Variants in MBTPS1 observed in about 807,000 individuals in gnomAD.
The protein encoded by MBTPS1 is membrane bound transcription factor peptidase, site 1.
A neutral mutation model predicts 127.8 loss-of-function variants in MBTPS1; 94 were observed. That is an observed-to-expected ratio of 0.74 (90% confidence interval 0.62 to 0.87). The LOEUF is 0.87. Among genes scored for constraint, MBTPS1 ranks in the 40% least tolerant of loss-of-function variants. The pLI is 0.00. For missense variants in MBTPS1, 1,636 were observed against 1,353.2 expected (o/e 1.21, Z -3.28); for synonymous variants, 632 against 509.4 (o/e 1.24, Z -3.24).
chr16:84,075,973 T>C (rs2085849690), intron 11 of MBTPS1, among the ~76,000 whole-genome samples: 2 of 152,244 alleles, frequency 1.3e-5, no homozygotes, highest in African/African-American at 2.4e-5. Context: ...TTGTAAACTT[T>C]GCTGGTAATT....
intron 9 of MBTPS1, chr16:84,086,081 A>G (rs1048514717): frequency 6.6e-6 from 1 of 152,258 alleles, no homozygotes; most frequent in East Asian, 1.9e-4. Context: ...CAGGAGCCCA[A>G]TTTGAAGGGA....
intron 8 of MBTPS1, among the ~76,000 whole-genome samples, chr16:84,087,784 G>A (rs1325988700): frequency 6.6e-6 from 1 of 152,168 alleles, no homozygotes; most frequent in African/African-American, 2.4e-5. Context: ...TACTTGCCTT[G>A]AACCTCACAA....
chr16:84,065,294 T>G (rs1164931578), intron 18 of MBTPS1, among the ~76,000 whole-genome samples: 4 of 152,114 alleles, frequency 2.6e-5, no homozygotes, highest in African/African-American at 9.7e-5. Flanking sequence ...AATTTTTGTA[T>G]TTTTAGTAGA....
chr16:84,091,011 A>C (rs1176903336), intron 7 of MBTPS1, 69 bp from the exon 8 acceptor site: 8 of 1,116,974 alleles, frequency 7.2e-6, no homozygotes, highest in African/African-American at 1.6e-5. Context: ...AAAAAAAAAA[A>C]AAAACCATAC....
At chr16:84,105,314 T>C (rs1229771819) in intron 1 of MBTPS1, among the ~76,000 whole-genome samples, 1 of 152,178 alleles carries the variant, frequency 6.6e-6, no homozygotes, top group East Asian at 1.9e-4. Flanking sequence ...ACACGGACTA[T>C]TAGCTAGTCA....
intron 4 of MBTPS1, among the ~76,000 whole-genome samples, chr16:84,094,968 G>A (rs2086159475): frequency 6.6e-6 from 1 of 152,186 alleles, no homozygotes; most frequent in Non-Finnish European, 1.5e-5. Context: ...ACATTTAGAA[G>A]TCAAGGTAAA....
Position 84,095,662 on chromosome 16 carries a change from T to C in MBTPS1, c.565A>G (p.Ile189Val), listed in dbSNP as rs1236035339. ...RHSSRRLLRA[I>V]PRQVAQTLQA... Reference sequence around the variant, plus strand: ...AGTGTCTGGGCAACCTGGCGCGGGATGGCTCTCAGCAGCCGTCTGCTCGAA... The same window carrying C: ...AGTGTCTGGGCAACCTGGCGCGGGACGGCTCTCAGCAGCCGTCTGCTCGAA... The change falls in exon 4 of 23, where the codon ATC becomes GTC. Residue 189 changes from isoleucine to valine, a missense_variant. By Grantham distance (29) the Ile-to-Val change is conservative (BLOSUM62 3). Transcript: ENST00000343411. 2.5e-6 allele frequency: 4 copies of C among 1,614,254 alleles called. No individual in the cohort carries two copies. The highest frequency in any genetic ancestry group is 1.7e-5 in the Admixed American group (1 of 60,030).
intron 1 of MBTPS1, among the ~76,000 whole-genome samples, chr16:84,111,308 G>C (rs184876024): frequency 1.3e-4 from 20 of 152,362 alleles, no homozygotes; most frequent in African/African-American, 4.3e-4. Context: ...GGGAGGCCAA[G>C]TCGGGCAGAT....
Position 84,090,957 on chromosome 16 carries a change from T to C in MBTPS1, c.964-15A>G, listed in dbSNP as rs777441732. 2.5e-6 allele frequency: 4 copies of C among 1,577,910 alleles called. No homozygotes were observed. The highest frequency in any genetic ancestry group is 3.5e-6 in the Non-Finnish European group (4 of 1,149,768). On this transcript the variant is annotated splice_polypyrimidine_tract_variant and intron_variant, in intron 7 of 22. Transcript: ENST00000343411. Reference sequence around the variant, plus strand: ...AATTCCCACACCTACAAAAGGAGCATTTATTTAATGAAAGTATCCCTTTCA... The same window carrying C: ...AATTCCCACACCTACAAAAGGAGCACTTATTTAATGAAAGTATCCCTTTCA...
Position 84,102,022 on chromosome 16 carries a change from AG to A in MBTPS1, c.-240del, listed in dbSNP as rs1351078697. 2 of 484,536 alleles carry A rather than the reference AG, an allele frequency of 4.1e-6. No homozygotes were observed. The highest frequency in any genetic ancestry group is 7.1e-5 in the East Asian group (2 of 28,096). The allele number at this position is 484,536 out of a possible 1,614,324, so 30.0% of individuals were successfully genotyped here. A position where few individuals can be genotyped will look rare whatever the true frequency, so the allele number is the denominator to read the frequency against. On this transcript the variant is annotated 5_prime_UTR_variant, in exon 2 of 23. The change abolishes the stop of an existing upstream ORF in the 5' untranslated region. Transcript: ENST00000343411. ...CTTGGAAATAAGGCTTCTCTCACTC[AG>A]GCCGTGACGACTGAGTCCTGTACTC... is the stretch of plus-strand genomic sequence containing the variant.
chr16:84,103,188 G>A (rs1343695847), intron 1 of MBTPS1, among the ~76,000 whole-genome samples: 2 of 152,044 alleles, frequency 1.3e-5, no homozygotes, highest in African/African-American at 2.4e-5. Context: ...TAATCCAGCA[G>A]GGTAGGGGAT....
chr16:84,089,515 G>C (rs1274339454), intron 8 of MBTPS1, among the ~76,000 whole-genome samples: 3 of 152,198 alleles, frequency 2.0e-5, no homozygotes. Flanking sequence ...ATATATGTTT[G>C]AACAGTAGAA....
rs1240053295 is a variant in MBTPS1 at position 84,063,367 on chromosome 16, C to A, written c.2510G>T (p.Gly837Val). The A allele has an allele frequency of 1.5e-5, 24 of 1,614,024 alleles. No individual in the cohort carries two copies. The Admixed American group carries it at 3.7e-4, about 25-fold the overall frequency. The change falls in exon 19 of 23, where the codon GGT becomes GTT. Residue 837 changes from glycine to valine, a missense_variant. Transcript: ENST00000343411. ...ILGLYQIPAE[G>V]GGRIVLYGDS... ...CCCATACAGTACAATCCGGCCTCCA[C>A]CCTCAGCTGGAATCTGATAAAGTCC...
At chr16:84,063,523 G>A (rs914891643) in intron 18 of MBTPS1, 78 bp from the exon 19 acceptor site, 4 of 1,361,818 alleles carry the variant, frequency 2.9e-6, no homozygotes, top group African/African-American at 2.9e-5. Flanking sequence ...TTTCATCCAC[G>A]TGACAAATAA....
Position 84,094,479 on chromosome 16 carries a change from C to G in MBTPS1, c.626-658G>C, listed in dbSNP as rs145480730. Among the ~76,000 whole-genome samples, 1,470 of 152,242 alleles carry G rather than the reference C, an allele frequency of 9.7e-3. 17 individuals are homozygous for G. The highest frequency in any genetic ancestry group is 0.031 in the African/African-American group (1,281 of 41,510). ...AAGCCATCAACACCAATGTGAAATA[C>G]AACTGGCCTGTCTGACCAAAAATTC... On this transcript the variant is annotated intron_variant, in intron 4 of 22. Coordinates refer to ENST00000343411, the MANE Select transcript of MBTPS1 (RefSeq NM_003791.4).
chr16:84,063,472 G>C (rs1202938282), intron 18 of MBTPS1, 27 bp from the exon 19 acceptor site: 1 of 1,607,938 alleles, frequency 6.2e-7, no homozygotes, highest in Non-Finnish European at 8.5e-7. Context: ...AAAAACAACA[G>C]CCATGAGAGT....
chr16:84,099,654 G>A (rs2086227193), intron 2 of MBTPS1, among the ~76,000 whole-genome samples: 1 of 151,936 alleles, frequency 6.6e-6, no homozygotes. Context: ...GTGTGGTGGT[G>A]GGCGCCTATA....
chr16:84,077,281 A>C (rs1309215510), intron 11 of MBTPS1, among the ~76,000 whole-genome samples: 1 of 151,826 alleles, frequency 6.6e-6, no homozygotes, highest in Non-Finnish European at 1.5e-5. Flanking sequence ...AAGAAAGAAA[A>C]GAATACCCAA....
chr16:84,115,988 T>G (rs1218378313), intron 1 of MBTPS1, among the ~76,000 whole-genome samples: 1 of 151,908 alleles, frequency 6.6e-6, no homozygotes, highest in East Asian at 1.9e-4. Flanking sequence ...CTGCAAGCCC[T>G]CCTTTTCGTA....
Sources: allele counts gnomAD v4.1 joint callset (sites outside exome capture counted in the v4.1 genomes callset), GRCh38; gene constraint gnomAD v4.1.1; transcripts MANE v1.5; gene names NCBI Gene and HGNC (gene_info 2026-07-23, HGNC 2026-07-21).